Variants in CNOT2 observed in about 807,000 individuals in gnomAD.
CNOT2 encodes the protein CC chemokine receptor 4-negative regulator of transcription 2.
In CNOT2, 7 loss-of-function variants were observed where a neutral mutation model predicts 72.1. That is an observed-to-expected ratio of 0.10 (90% CI 0.06 to 0.18). CNOT2 has a LOEUF of 0.18. Ranked by LOEUF, CNOT2 falls within the 10% of genes least tolerant of loss-of-function variation. CNOT2 has a pLI of 1.00. For missense variants in CNOT2, 345 were observed against 660.3 expected (o/e 0.52, Z 5.23); for synonymous variants, 196 against 225.6 (o/e 0.87, Z 1.17).
chr12:70,270,526 G>T (rs1157821450), intron 1 of CNOT2, among the ~76,000 whole-genome samples: 1 of 152,086 alleles, frequency 6.6e-6, no homozygotes, highest in Non-Finnish European at 1.5e-5. Context: ...TCCTGGAAAT[G>T]TAAGTCCTAA....
intron 4 of CNOT2, among the ~76,000 whole-genome samples, chr12:70,326,421 C>T (rs1259281209): frequency 1.3e-5 from 2 of 151,010 alleles, no homozygotes; most frequent in Non-Finnish European, 3.0e-5. Context: ...TTTTTTTATG[C>T]CAAGAAAAAC....
chr12:70,262,313 G>A (rs571382975), intron 1 of CNOT2, among the ~76,000 whole-genome samples: 13 of 151,966 alleles, frequency 8.6e-5, no homozygotes, highest in Admixed American at 2.6e-4. Context: ...TCGCTCTGTC[G>A]CCCAGGCTGG....
chr12:70,329,337 G>A, intron 4 of CNOT2, 86 bp from the exon 5 acceptor site: 1 of 1,017,158 alleles, frequency 9.8e-7, no homozygotes, highest in Non-Finnish European at 1.5e-6. Flanking sequence ...GTCATTAAAA[G>A]TGTCTTAAAT....
At chr12:70,251,612 C>T (rs10506584) in intron 1 of CNOT2, among the ~76,000 whole-genome samples, 11,436 of 152,084 alleles carry the variant, frequency 0.075, 554 homozygotes, top group Middle Eastern at 0.14. Flanking sequence ...ATTCCACAGT[C>T]GATTTACAAT....
chr12:70,352,885 G>A (rs1420321385), intron 15 of CNOT2, among the ~76,000 whole-genome samples: 1 of 151,992 alleles, frequency 6.6e-6, no homozygotes, highest in East Asian at 1.9e-4. Flanking sequence ...TTGAAAGTTT[G>A]ATTAAAGTGA....
chr12:70,319,000 T>C (rs781377414), intron 3 of CNOT2: 7 of 205,524 alleles, frequency 3.4e-5, no homozygotes, highest in African/African-American at 6.9e-5. Flanking sequence ...GTCTATATAA[T>C]TTTATTTTTT....
intron 6 of CNOT2, chr12:70,330,951 T>C (rs1879842171): frequency 6.6e-6 from 1 of 152,188 alleles, no homozygotes; most frequent in Non-Finnish European, 1.5e-5. Context: ...GTATCATGTT[T>C]AGGGATTCAA....
At chr12:70,277,058 C>T (rs969618888) in intron 1 of CNOT2, among the ~76,000 whole-genome samples, 10 of 151,888 alleles carry the variant, frequency 6.6e-5, no homozygotes, top group Non-Finnish European at 1.2e-4. Flanking sequence ...TTCTAATTCA[C>T]TCTCCTTATA....
chr12:70,291,116 TGATTCCCTTAA>T (rs1198646312), intron 2 of CNOT2, among the ~76,000 whole-genome samples: 2 of 152,230 alleles, frequency 1.3e-5, no homozygotes, highest in East Asian at 3.9e-4. Context: ...CTGAATTTCC[TGATTCCCTTAA>T]GATTCCCTAG....
At chr12:70,339,902 C>T (rs1355201755) in intron 11 of CNOT2, among the ~76,000 whole-genome samples, 5 of 152,126 alleles carry the variant, frequency 3.3e-5, no homozygotes, top group Admixed American at 6.6e-5. Flanking sequence ...TGTTTTCCAC[C>T]CTATTACCAT....
chr12:70,254,999 G>A (rs866173425), intron 1 of CNOT2, among the ~76,000 whole-genome samples: 1 of 139,098 alleles, frequency 7.2e-6, no homozygotes, highest in Non-Finnish European at 1.6e-5. Context: ...AAAAAAAAAA[G>A]AAGAAGAAGA....
At position 70,303,294 on chromosome 12, in the gene CNOT2, G is replaced by A. The variant is rs942083005; in HGVS notation, c.49-7601G>A. ...CTGGTGATTTTGCTCGTTAGTTGATGCAGTTTCTTCCTAGCCTTGATGGTC... is the reference window on the plus strand; with the variant it reads ...CTGGTGATTTTGCTCGTTAGTTGATACAGTTTCTTCCTAGCCTTGATGGTC... On this transcript the variant is annotated intron_variant, in intron 2 of 15. Coordinates refer to ENST00000229195, the MANE Select transcript of CNOT2 (RefSeq NM_014515.7). Among the ~76,000 whole-genome samples the A allele has an allele frequency of 6.2e-4, 95 of 152,306 alleles. 1 individual carries two copies. Among genetic ancestry groups the A allele is most frequent in the East Asian group, 1.2e-3 (6 of 5,188 alleles).
At chr12:70,346,456 T>C in intron 15 of CNOT2, 132 bp downstream of exon 15, 1 of 657,258 alleles carries the variant, frequency 1.5e-6, no homozygotes, top group Non-Finnish European at 2.5e-6. Flanking sequence ...TTTAATTCCA[T>C]CTCCTTGGCT....
rs530984950 is a variant in CNOT2 at position 70,286,570 on chromosome 12, G to C, written c.48+8296G>C. On this transcript the variant is annotated intron_variant, in intron 2 of 15. Coordinates refer to ENST00000229195, the MANE Select transcript of CNOT2 (RefSeq NM_014515.7). ...AATCAAGTTTCTCTTTATATGCATG[G>C]ATTTCTTATGTCTCTGTTACCTTGA... Among the ~76,000 whole-genome samples the C allele has an allele frequency of 4.7e-5, 7 of 149,756 alleles. No individual in the cohort carries two copies. The East Asian group carries it at 8.1e-4, about 17-fold the overall frequency.
At chr12:70,247,173 T>A (rs930380157) in intron 1 of CNOT2, among the ~76,000 whole-genome samples, 1 of 152,074 alleles carries the variant, frequency 6.6e-6, no homozygotes. Context: ...TATTCTTTTT[T>A]TTTTTTCTTT....
chr12:70,308,584 T>A (rs10643346), intron 2 of CNOT2, among the ~76,000 whole-genome samples: 16,522 of 132,938 alleles, frequency 0.12, 1,039 homozygotes, highest in Middle Eastern at 0.21. Context: ...TCTCTCTCTC[T>A]CACACACACA....
rs142445602 is a variant in CNOT2 at position 70,280,003 on chromosome 12, A to C, written c.48+1729A>C. ...TTTCTCTCTTCGTTTATTGATACATAATTGTACGTATTTATGGGGTACATG... is the reference window on the plus strand; with the variant it reads ...TTTCTCTCTTCGTTTATTGATACATCATTGTACGTATTTATGGGGTACATG... On this transcript the variant is annotated intron_variant, in intron 2 of 15. Transcript: ENST00000229195. 1.2e-4 allele frequency among the ~76,000 whole-genome samples: 18 copies of C among 152,302 alleles called. No homozygotes were observed. In the East Asian group the frequency reaches 3.3e-3, roughly 28 times the overall value.
chr12:70,298,071 C>A (rs75796761), intron 2 of CNOT2, among the ~76,000 whole-genome samples: 21,870 of 152,110 alleles, frequency 0.14, 1,911 homozygotes, highest in Admixed American at 0.28. Flanking sequence ...AATAGTATTT[C>A]TTTTAAGCAT....
intron 15 of CNOT2, among the ~76,000 whole-genome samples, chr12:70,348,198 GTTA>G (rs1267908865): frequency 1.3e-5 from 2 of 152,144 alleles, no homozygotes; most frequent in Admixed American, 1.3e-4. Context: ...TTTTATCATC[GTTA>G]TTATAGCTAC....
Sources: allele counts gnomAD v4.1 joint callset (sites outside exome capture counted in the v4.1 genomes callset), GRCh38; gene constraint gnomAD v4.1.1; transcripts MANE v1.5; gene names NCBI Gene and HGNC (gene_info 2026-07-23, HGNC 2026-07-21).